The following CFH variants were observed in gnomAD, a reference collection of about 807,000 sequenced individuals.
CFH encodes H factor 1 (complement).
In CFH, 53 loss-of-function variants were observed where a neutral mutation model predicts 147.3. The observed-to-expected ratio is 0.36, with a 90% CI of 0.29 to 0.45. The LOEUF is 0.45. Ranked by LOEUF, CFH falls within the 20% of genes least tolerant of loss-of-function variation. The probability of loss-of-function intolerance (pLI) is 1.00; values close to 1 mark genes in which losing one functional copy is unlikely to be tolerated. For missense variants in CFH, 1,380 were observed against 1,498.0 expected (o/e 0.92, Z 1.30); for synonymous variants, 536 against 489.4 (o/e 1.10, Z -1.26).
At chr1:196,714,668 T>G (rs4350148) in intron 10 of CFH, among the ~76,000 whole-genome samples, 3,735 of 20,930 alleles carry the variant, frequency 0.18, 233 homozygotes, top group Admixed American at 0.22. Flanking sequence ...TATATATATA[T>G]AGAGAGAGAG....
intron 1 of CFH, among the ~76,000 whole-genome samples, chr1:196,664,389 A>G (rs1221926204): frequency 6.6e-6 from 1 of 152,148 alleles, no homozygotes; most frequent in Non-Finnish European, 1.5e-5. Context: ...AGGTGTCCTA[A>G]GTGATAAGAT....
At chr1:196,688,291 A>G (rs2149087452) in intron 7 of CFH, among the ~76,000 whole-genome samples, 1 of 152,200 alleles carries the variant, frequency 6.6e-6, no homozygotes, top group East Asian at 1.9e-4. Context: ...GTCAAAATTA[A>G]TATATAATAA....
chr1:196,671,022 G>A (rs1667258849), intron 1 of CFH, among the ~76,000 whole-genome samples: 1 of 151,552 alleles, frequency 6.6e-6, no homozygotes, highest in African/African-American at 2.4e-5. Flanking sequence ...TTTCCTTTTG[G>A]TTATTTTTAC....
intron 3 of CFH, among the ~76,000 whole-genome samples, chr1:196,674,653 T>A (rs575839314): frequency 1.3e-5 from 2 of 152,302 alleles, no homozygotes; most frequent in South Asian, 2.1e-4. Flanking sequence ...TAAATATAAA[T>A]GTAACCAAAT....
intron 1 of CFH, among the ~76,000 whole-genome samples, chr1:196,657,037 G>C (rs1417353107): frequency 6.6e-6 from 1 of 152,014 alleles, no homozygotes; most frequent in Non-Finnish European, 1.5e-5. Context: ...GAGTGCCCAC[G>C]CTGGAGTGCA....
chr1:196,692,748 TTCTTTCTTTCTTTCTTTC>T, intron 9 of CFH, among the ~76,000 whole-genome samples: 1 of 3,304 alleles, frequency 3.0e-4, no homozygotes, highest in African/African-American at 1.6e-3. Flanking sequence ...TCCTTTCTTT[TTCTTTCTTTCTTTCTTTC>T]TTTCTTTCTT....
intron 9 of CFH, among the ~76,000 whole-genome samples, chr1:196,695,848 A>G (rs1029713646): frequency 2.6e-5 from 4 of 152,008 alleles, no homozygotes; most frequent in African/African-American, 9.7e-5. Context: ...TTGCATATTG[A>G]TTTTGCATCC....
chr1:196,711,126 TAAC>T (rs1260786831), intron 9 of CFH, among the ~76,000 whole-genome samples: 7 of 152,162 alleles, frequency 4.6e-5, no homozygotes, highest in Admixed American at 4.6e-4. Flanking sequence ...AGATCTAAAA[TAAC>T]AAGCTTTTGG....
intron 1 of CFH, among the ~76,000 whole-genome samples, chr1:196,662,959 T>C (rs1211120578): frequency 6.8e-6 from 1 of 147,632 alleles, no homozygotes. Flanking sequence ...TATAGATAGT[T>C]ATTTCTTCCT....
intron 9 of CFH, among the ~76,000 whole-genome samples, chr1:196,709,054 CAGA>C (rs1330872337): frequency 3.3e-5 from 5 of 152,132 alleles, no homozygotes; most frequent in African/African-American, 1.2e-4. Flanking sequence ...CTTGGCTTTA[CAGA>C]GAGGAGTCTG....
chr1:196,732,817 T>G (rs1669310252), intron 15 of CFH, among the ~76,000 whole-genome samples: 1 of 152,078 alleles, frequency 6.6e-6, no homozygotes. Context: ...TTTACTTACT[T>G]CTATTTTCAT....
chr1:196,728,630 T>C (rs1196884030), intron 15 of CFH, 108 bp downstream of exon 15: 5 of 1,077,958 alleles, frequency 4.6e-6, no homozygotes, highest in Non-Finnish European at 2.8e-6. Context: ...CAAATGCTAC[T>C]GAATAAGGCA....
chr1:196,680,617 A>G (rs1018098502), intron 6 of CFH, among the ~76,000 whole-genome samples: 1 of 151,800 alleles, frequency 6.6e-6, no homozygotes, highest in Non-Finnish European at 1.5e-5. Context: ...TTTGCTTTTG[A>G]TGAGGTCTGC....
In CFH at chr1:196,689,606, C is replaced by A; in HGVS notation, c.1151C>A (p.Pro384Gln). The A allele has an allele frequency of 6.2e-7, 1 of 1,613,392 alleles. No homozygotes were observed. Among genetic ancestry groups the A allele is most frequent in the Non-Finnish European group, 8.5e-7 (1 of 1,179,556 alleles). ...CTQDGWSPAV[P>Q]CLRKCYFPYL... ...CAAGATGGATGGTCGCCAGCAGTAC[C>A]ATGCCTCAGTAAGTAAACCTCTGAA... The change falls in exon 8 of 22, where the codon CCA becomes CAA. Residue 384 changes from proline (P) to glutamine (Q), a missense_variant. By Grantham distance (76) the Pro-to-Gln change is moderately conservative. Around this residue, in one of 4 missense-constraint regions of CFH, gnomAD observed 167 missense variants for 228.0 expected, o/e 0.73. Coordinates refer to ENST00000367429, the MANE Select transcript of CFH (RefSeq NM_000186.4).
At chr1:196,657,879 ATT>A (rs960920350) in intron 1 of CFH, among the ~76,000 whole-genome samples, 5 of 152,138 alleles carry the variant, frequency 3.3e-5, no homozygotes, top group Non-Finnish European at 4.4e-5. Flanking sequence ...TCTAGCACAA[ATT>A]TGATTAAGGA....
chr1:196,652,163 TG>T lies in CFH; in HGVS notation c.47del (p.Cys16LeufsTer2), dbSNP rs1354648948. 6.2e-7 allele frequency: 1 copy of T among 1,611,378 alleles called. No homozygotes were observed. Among genetic ancestry groups the T allele is most frequent in the Non-Finnish European group, 8.5e-7 (1 of 1,177,584 alleles). On this transcript the variant is annotated frameshift_variant, in exon 1 of 22. Transcript: ENST00000367429. LOFTEE classifies it high-confidence loss of function. ...TATTTGCCTTATGTTATGGGCTATT[TG>T]TGTAGCAGAAGGTAAGATTAAAAGA... The part of the protein sequence containing the change: ...KIICLMLWAI[C>X]VAEDCNELPP...
chr1:196,670,978 TTTG>T (rs1481661265), intron 1 of CFH, among the ~76,000 whole-genome samples: 1 of 152,158 alleles, frequency 6.6e-6, no homozygotes, highest in African/African-American at 2.4e-5. Flanking sequence ...CTCTGTTTTG[TTTG>T]TTGTTGTTTA....
Position 196,737,530 on chromosome 1 carries a change from C to T in CFH, c.2652C>T (p.Ser884=). 1 of 1,613,200 alleles carries T rather than the reference C, an allele frequency of 6.2e-7. No individual in the cohort carries two copies. Among genetic ancestry groups the T allele is most frequent in the South Asian group, 1.1e-5 (1 of 91,048 alleles). ...TAGAACACGGAACCATTAATTCATC[C>T]AGGTCTTCACAAGAAAGTTATGCAC... The part of the protein sequence containing the change: ...PQIEHGTINS[S]RSSQESYAHG... Residue 884 remains serine (S), a synonymous_variant, in exon 17 of 22, where the codon TCC becomes TCT. Transcript: ENST00000367429.
chr1:196,715,863 G>A, intron 11 of CFH, 94 bp downstream of exon 11: 1 of 1,041,010 alleles, frequency 9.6e-7, no homozygotes, highest in Non-Finnish European at 1.4e-6. Flanking sequence ...AATTGTTAAG[G>A]AATGTTGATT....
Sources: gnomAD v4.1 joint callset for allele counts (sites outside exome capture counted in the v4.1 genomes callset) on GRCh38, gnomAD v4.1.1 for gene constraint, gnomAD v4.1.1 regional missense constraint, MANE v1.5 for transcripts, NCBI Gene and HGNC (gene_info 2026-07-23, HGNC 2026-07-21) for gene names.